The following AKT1 variants were observed in gnomAD, a reference collection of about 807,000 sequenced individuals.
AKT1 encodes the protein RAC-alpha serine/threonine-protein kinase.
A neutral mutation model predicts 63.1 loss-of-function variants in AKT1; 21 were observed. The ratio of observed to expected loss-of-function variants is 0.33; its 90% confidence interval spans 0.24 to 0.48. AKT1 has a LOEUF of 0.48. AKT1 is among the 20% of genes least tolerant of loss of function. The probability of loss-of-function intolerance (pLI) is 0.99; values close to 1 mark genes in which losing one functional copy is unlikely to be tolerated. For missense variants in AKT1, 382 were observed against 666.0 expected (o/e 0.57, Z 4.69); for synonymous variants, 257 against 253.1 (o/e 1.02, Z -0.15).
chr14:104,776,618 G>A lies in AKT1; in HGVS notation c.287+41C>T, dbSNP rs773224494. The A allele has an allele frequency of 2.8e-5, 44 of 1,579,514 alleles. No homozygotes were observed. The Admixed American group carries it at 7.4e-4, about 27-fold the overall frequency. On this transcript the variant is annotated intron_variant, in intron 5 of 14. Transcript: ENST00000649815. ...TCCCCGTGTCCCTCCTAAGCGCTGG[G>A]GCTGCCCAAGTGCCTGGCCTGGCCG...
rs142065631 is a variant in AKT1 at position 104,783,652 on chromosome 14, G to A, written c.47-3436C>T. Among the ~76,000 whole-genome samples the A allele has an allele frequency of 7.4e-3, 1,127 of 151,952 alleles. 11 individuals are homozygous for A. Among genetic ancestry groups the A allele is most frequent in the African/African-American group, 0.024 (990 of 41,416 alleles). On this transcript the variant is annotated intron_variant, in intron 3 of 14. Transcript: ENST00000649815. ...GCAACAAATGGGGAGGCCAGGGCAC[G>A]CCCCACCCCACACACAGCCAGAGTC...
At position 104,772,253 on chromosome 14, in the gene AKT1, TCC is replaced by T. The variant is rs1595240753; in HGVS notation, c.1260+110_1260+111del. On this transcript the variant is annotated intron_variant, in intron 13 of 14. Transcript: ENST00000649815. ...TCCTTGTACCAGGACTGCAGCAGGCTCCTGAGGTGAGGGCGAGTGTGTGGGAA... is the reference window on the plus strand; with the variant it reads ...TCCTTGTACCAGGACTGCAGCAGGCTTGAGGTGAGGGCGAGTGTGTGGGAA... 41 of 1,138,732 alleles carry T rather than the reference TCC, an allele frequency of 3.6e-5. No homozygotes were observed. The East Asian group carries it at 9.7e-4, about 27-fold the overall frequency. 70.5% of individuals were successfully genotyped at this position (1,138,732 alleles called of 1,614,324 possible).
chr14:104,783,808 CAT>C (rs772995853), intron 3 of AKT1, among the ~76,000 whole-genome samples: 9 of 152,216 alleles, frequency 5.9e-5, no homozygotes, highest in Non-Finnish European at 7.3e-5. Flanking sequence ...ACCCGCTGCA[CAT>C]GTTTCAGACC....
In AKT1 at chr14:104,770,727, C is replaced by A; in HGVS notation, c.1363+18G>T. 6.2e-7 allele frequency: 1 copy of A among 1,605,750 alleles called. No homozygotes were observed. The highest frequency in any genetic ancestry group is 8.5e-7 in the Non-Finnish European group (1 of 1,172,460). On this transcript the variant is annotated intron_variant, in intron 14 of 14. Transcript: ENST00000649815. ...GGAGAGAAAAGGGAGTGGGCGGGGG[C>A]AGGCAGTGGCCCCTCACCTTGGTCA... is the stretch of plus-strand genomic sequence containing the variant.
intron 4 of AKT1, 195 bp from the exon 5 acceptor site, chr14:104,776,965 A>G: frequency 1.8e-6 from 1 of 547,840 alleles, no homozygotes; most frequent in East Asian, 3.1e-5. Context: ...CAGCTCAGAC[A>G]CTCTACTCCA....
At chr14:104,789,822 CCT>C (rs1893532082) in intron 3 of AKT1, among the ~76,000 whole-genome samples, 1 of 152,182 alleles carries the variant, frequency 6.6e-6, no homozygotes, top group African/African-American at 2.4e-5. Context: ...GAACCATCTC[CCT>C]GTTAGATGTG....
rs376284145 is a variant in AKT1 at position 104,770,865 on chromosome 14, C to T, written c.1261-18G>A. ...GGGCTGAGCTGCAGAGGTGGGCAGA[C>T]GGGACAGTCATGAGCTTCGCTCCCC... On this transcript the variant is annotated intron_variant, in intron 13 of 14. Coordinates refer to ENST00000649815, the MANE Select transcript of AKT1 (RefSeq NM_001382430.1). The T allele has an allele frequency of 1.7e-5, 28 of 1,610,468 alleles. No individual in the cohort carries two copies. In the African/African-American group the frequency reaches 2.1e-4, roughly 12 times the overall value.
intron 3 of AKT1, among the ~76,000 whole-genome samples, chr14:104,782,323 G>A (rs11848899): frequency 3.3e-5 from 5 of 152,084 alleles, no homozygotes; most frequent in Non-Finnish European, 5.9e-5. Flanking sequence ...AGACTGATGA[G>A]CGCCCAGGCC....
intron 1 of AKT1, among the ~76,000 whole-genome samples, chr14:104,794,776 G>C (rs1441687183): frequency 6.6e-6 from 1 of 152,334 alleles, no homozygotes; most frequent in East Asian, 1.9e-4. Context: ...TGCAGAGCAG[G>C]GGCCCAAGCT....
intron 3 of AKT1, among the ~76,000 whole-genome samples, chr14:104,780,993 G>A (rs915279389): frequency 3.3e-5 from 5 of 152,224 alleles, no homozygotes; most frequent in Admixed American, 6.5e-5. Context: ...CGGCCCTGCC[G>A]CGTCCCACCC....
chr14:104,793,739 G>C (rs972150526), intron 1 of AKT1: 1 of 155,150 alleles, frequency 6.4e-6, no homozygotes, highest in African/African-American at 2.4e-5. Flanking sequence ...TCTGATGGAT[G>C]AACTCCTAGG....
At chr14:104,775,862 C>G in intron 5 of AKT1, 63 bp from the exon 6 acceptor site, 1 of 1,556,050 alleles carries the variant, frequency 6.4e-7, no homozygotes, top group Non-Finnish European at 8.7e-7. Flanking sequence ...CCACGTCTTT[C>G]ACCCACCCGC....
At chr14:104,794,699 C>A (rs914525152) in intron 1 of AKT1, among the ~76,000 whole-genome samples, 1 of 152,228 alleles carries the variant, frequency 6.6e-6, no homozygotes, top group Non-Finnish European at 1.5e-5. Flanking sequence ...GGACTCAAAG[C>A]AGTCAAGAAG....
intron 3 of AKT1, among the ~76,000 whole-genome samples, chr14:104,785,821 C>T (rs1007552600): frequency 1.3e-5 from 2 of 152,180 alleles, no homozygotes; most frequent in East Asian, 1.9e-4. Context: ...ACCATGACCC[C>T]GTCCACCTCG....
At chr14:104,780,427 T>G (rs146295837) in intron 3 of AKT1, among the ~76,000 whole-genome samples, 1 of 152,150 alleles carries the variant, frequency 6.6e-6, no homozygotes, top group Non-Finnish European at 1.5e-5. Flanking sequence ...ACAGCGCCCC[T>G]CTCAGAAGAG....
At chr14:104,773,703 C>A in intron 9 of AKT1, 123 bp from the exon 10 acceptor site, 1 of 1,416,486 alleles carries the variant, frequency 7.1e-7, no homozygotes, top group South Asian at 1.4e-5. Flanking sequence ...CACCAGAGGG[C>A]ACGGGGGCCT....
chr14:104,771,875 C>G (rs954282677), intron 13 of AKT1: 1 of 247,332 alleles, frequency 4.0e-6, no homozygotes, highest in East Asian at 5.9e-5. Flanking sequence ...CCCTCCAGGG[C>G]GGACTCCCCC....
Position 104,773,892 on chromosome 14 carries a change from C to CCCGCAG in AKT1, c.702+14_702+19dup. 1 of 1,593,088 alleles carries CCCGCAG rather than the reference C, an allele frequency of 6.3e-7. No homozygotes were observed. Among genetic ancestry groups the CCCGCAG allele is most frequent in the South Asian group, 1.1e-5 (1 of 88,656 alleles). On this transcript the variant is annotated intron_variant, in intron 9 of 14. Coordinates refer to ENST00000649815, the MANE Select transcript of AKT1 (RefSeq NM_001382430.1). ...GGCCCACAGGCCGCGAAGTCCATCCCCCGCAGCCCCAGCCCCTACCTCGCC... is the reference window on the plus strand; with the variant it reads ...GGCCCACAGGCCGCGAAGTCCATCCCCCGCAGCCGCAGCCCCAGCCCCTACCTCGCC...
At position 104,792,684 on chromosome 14, in the gene AKT1, G is replaced by C. The variant is rs763526322; in HGVS notation, c.-41C>G. 6.2e-7 allele frequency: 1 copy of C among 1,604,150 alleles called. No individual in the cohort carries two copies. The highest frequency in any genetic ancestry group is 8.5e-7 in the Non-Finnish European group (1 of 1,179,024). ...CGCGACGCTCACGCGCTCCTCTCAG[G>C]CTGGCGCTCCCCGAGCCCAGCTGGC... On this transcript the variant is annotated 5_prime_UTR_variant, in exon 3 of 15. Transcript: ENST00000649815.
Sources: gnomAD v4.1 joint callset for allele counts (sites outside exome capture counted in the v4.1 genomes callset) on GRCh38, gnomAD v4.1.1 for gene constraint, MANE v1.5 for transcripts, NCBI Gene and HGNC (gene_info 2026-07-23, HGNC 2026-07-21) for gene names.